The following RC3H2 variants were observed in gnomAD, a reference collection of about 807,000 sequenced individuals.
RC3H2 encodes the protein ring finger and CCCH-type domains 2.
RC3H2 carries 31 observed loss-of-function variants against 133.3 expected under a neutral mutation model. The observed-to-expected ratio is 0.23, with a 90% confidence interval of 0.17 to 0.31. The LOEUF is 0.31. Among genes scored for constraint, RC3H2 ranks in the 10% least tolerant of loss-of-function variants. The pLI is 1.00. For missense variants in RC3H2, 1,175 were observed against 1,437.2 expected (o/e 0.82, Z 2.95); for synonymous variants, 517 against 502.2 (o/e 1.03, Z -0.40).
intron 20 of RC3H2, 77 bp downstream of exon 20, chr9:122,851,004 C>G: frequency 6.5e-7 from 1 of 1,531,882 alleles, no homozygotes; most frequent in Admixed American, 1.8e-5. Flanking sequence ...AGCATAAAGC[C>G]AAAAATTAAT....
chr9:122,865,830 C>G (rs896556392), intron 9 of RC3H2, among the ~76,000 whole-genome samples, 173 bp from the exon 10 acceptor site: 2 of 152,084 alleles, frequency 1.3e-5, no homozygotes, highest in East Asian at 3.8e-4. Context: ...GCAACAGATG[C>G]CACATGAAAA....
At chr9:122,866,821 C>T (rs1830699856) in intron 9 of RC3H2, among the ~76,000 whole-genome samples, 1 of 152,176 alleles carries the variant, frequency 6.6e-6, no homozygotes, top group Non-Finnish European at 1.5e-5. Flanking sequence ...TATGCCCGGC[C>T]GCCACCCCGT....
At chr9:122,871,295 T>C (rs750932734) in intron 9 of RC3H2, among the ~76,000 whole-genome samples, 2 of 152,078 alleles carry the variant, frequency 1.3e-5, no homozygotes, top group African/African-American at 2.4e-5. Context: ...GCTCAAATGT[T>C]GTATCTTCTT....
At chr9:122,851,702 A>T (rs1446563438) in intron 18 of RC3H2, 9 of 386,858 alleles carry the variant, frequency 2.3e-5, no homozygotes, top group African/African-American at 6.2e-5. Flanking sequence ...TTTCGCTGTG[A>T]TGGCCGGGCT....
intron 9 of RC3H2, 121 bp from the exon 10 acceptor site, chr9:122,865,778 C>G (rs907859421): frequency 9.1e-6 from 7 of 769,546 alleles, no homozygotes; most frequent in African/African-American, 1.7e-5. Flanking sequence ...CAAAAAGTTT[C>G]TTCAGCTAAA....
At chr9:122,850,936 T>C in intron 20 of RC3H2, 145 bp downstream of exon 20, 1 of 888,028 alleles carries the variant, frequency 1.1e-6, no homozygotes, top group African/African-American at 1.7e-5. Flanking sequence ...ATTTTACTTT[T>C]TCTTCCCTAA....
intron 2 of RC3H2, among the ~76,000 whole-genome samples, chr9:122,896,522 CT>C (rs2131502278): frequency 6.6e-6 from 1 of 152,112 alleles, no homozygotes; most frequent in African/African-American, 2.4e-5. Flanking sequence ...ATAATGTAAT[CT>C]AAGGTTTTGT....
intron 1 of RC3H2, among the ~76,000 whole-genome samples, chr9:122,900,615 C>T (rs1237121877): frequency 2.0e-5 from 3 of 152,048 alleles, no homozygotes; most frequent in Admixed American, 6.5e-5. Flanking sequence ...ATTTGCAAAA[C>T]TTCTAGACCT....
chr9:122,880,943 C>A, intron 5 of RC3H2, 149 bp from the exon 6 acceptor site: 1 of 625,306 alleles, frequency 1.6e-6, no homozygotes, highest in Non-Finnish European at 2.8e-6. Flanking sequence ...GTCCTGACCA[C>A]AAATTCTTTC....
intron 9 of RC3H2, among the ~76,000 whole-genome samples, chr9:122,876,206 A>G (rs1447449271): frequency 2.0e-5 from 3 of 152,238 alleles, no homozygotes; most frequent in African/African-American, 4.8e-5. Flanking sequence ...CACAGCATAT[A>G]TAACAGGCTG....
chr9:122,892,296 A>G (rs978240759), intron 3 of RC3H2, among the ~76,000 whole-genome samples: 7 of 152,110 alleles, frequency 4.6e-5, no homozygotes, highest in African/African-American at 1.7e-4. Context: ...TATTTTTAGT[A>G]GAGATGGGCT....
rs941423529 is a variant in RC3H2, at chr9:122,853,823, AGT to A, written c.3117+127_3117+128del. ...GGATTACAATTTTATTTCTGTTATA[AGT>A]TTTAAAAGCAATCAATCATCCATCA... On this transcript the variant is annotated intron_variant, in intron 18 of 20. Coordinates refer to ENST00000357244, the MANE Select transcript of RC3H2 (RefSeq NM_001100588.3). The A allele has an allele frequency of 2.0e-5, 31 of 1,542,964 alleles. 1 individual carries two copies. The highest frequency in any genetic ancestry group is 3.4e-4 in the Middle Eastern group (2 of 5,834).
chr9:122,880,560 A>G (rs755434263), intron 6 of RC3H2, 34 bp downstream of exon 6: 12 of 1,497,314 alleles, frequency 8.0e-6, no homozygotes, highest in East Asian at 2.3e-5. Context: ...TGTAACAGCA[A>G]TGATAGAACA....
At chr9:122,883,182 T>C (rs759986545) in intron 5 of RC3H2, 22 bp downstream of exon 5, 87 of 1,602,968 alleles carry the variant, frequency 5.4e-5, no homozygotes, top group Non-Finnish European at 7.1e-5. Context: ...GGCATGTCTT[T>C]ACATAGATAC....
At chr9:122,886,513 A>G (rs940338151) in intron 4 of RC3H2, among the ~76,000 whole-genome samples, 1 of 152,206 alleles carries the variant, frequency 6.6e-6, no homozygotes, top group African/African-American at 2.4e-5. Flanking sequence ...TTACGTGCCC[A>G]CATTCTCCAC....
chr9:122,886,091 T>C (rs1371102730), intron 4 of RC3H2, among the ~76,000 whole-genome samples: 2 of 152,170 alleles, frequency 1.3e-5, no homozygotes, highest in Admixed American at 1.3e-4. Context: ...AGTTTTCCCA[T>C]GTTGGTCAGG....
At chr9:122,895,888 T>C (rs888497396) in intron 2 of RC3H2, among the ~76,000 whole-genome samples, 4 of 152,148 alleles carry the variant, frequency 2.6e-5, no homozygotes, top group Non-Finnish European at 5.9e-5. Flanking sequence ...TCAAACCTAA[T>C]GCAAAGTAGA....
At position 122,879,858 on chromosome 9, in the gene RC3H2, G is replaced by A. The variant is rs766367049; in HGVS notation, c.1109C>T (p.Thr370Ile). ...IDPNPDAVSP[T>I]WEQLENAMVA... ...CATTGCATTTTCCAGCTGCTCCCAA[G>A]TTGGTGAAACAGCGTCTAAAATAAG... The change falls in exon 8 of 21, where the codon ACT (threonine) becomes ATT (isoleucine). Residue 370 changes from threonine (T) to isoleucine (I), a missense_variant. Transcript: ENST00000357244. 6.2e-7 allele frequency: 1 copy of A among 1,614,068 alleles called. No individual in the cohort carries two copies. The highest frequency in any genetic ancestry group is 1.1e-5 in the South Asian group (1 of 91,080).
chr9:122,902,848 C>CA (rs56346835), intron 1 of RC3H2, among the ~76,000 whole-genome samples: 1,239 of 84,232 alleles, frequency 0.015, 11 homozygotes, highest in Middle Eastern at 0.016. Flanking sequence ...GAGACTGTCT[C>CA]AAAAAAAAAA....
Sources: gnomAD v4.1 joint callset for allele counts (sites outside exome capture counted in the v4.1 genomes callset) on GRCh38, gnomAD v4.1.1 for gene constraint, MANE v1.5 for transcripts, NCBI Gene and HGNC (gene_info 2026-07-23, HGNC 2026-07-21) for gene names.